SLC7A8: variants seen among roughly 807,000 people sequenced by gnomAD.
The protein encoded by SLC7A8 is large neutral amino acids transporter small subunit 2.
A neutral mutation model predicts 51.2 loss-of-function variants in SLC7A8; 30 were observed. The ratio of observed to expected loss-of-function variants is 0.59; its 90% CI spans 0.44 to 0.80. The LOEUF is 0.80. Ranked by LOEUF, SLC7A8 falls within the 30% of genes least tolerant of loss-of-function variation. The probability of loss-of-function intolerance (pLI) is 0.00; values close to 1 mark genes in which losing one functional copy is unlikely to be tolerated. For missense variants in SLC7A8, 612 were observed against 674.4 expected, an observed-to-expected ratio of 0.91 and a Z score of 1.03; for synonymous variants, 257 against 275.8, an observed-to-expected ratio of 0.93 and a Z score of 0.67.
At chr14:23,140,927 TA>T (rs1235113467) in intron 4 of SLC7A8, among the ~76,000 whole-genome samples, 1 of 152,194 alleles carries the variant, frequency 6.6e-6, no homozygotes, top group Non-Finnish European at 1.5e-5. Flanking sequence ...GCTTTGGAAA[TA>T]CAGGATTGGA....
intron 3 of SLC7A8, among the ~76,000 whole-genome samples, chr14:23,144,086 G>A (rs2048768900): frequency 6.6e-6 from 1 of 152,202 alleles, no homozygotes; most frequent in Non-Finnish European, 1.5e-5. Context: ...ATTATGAATA[G>A]AGTTGTGATA....
chr14:23,135,139 G>A (rs1594819501), intron 7 of SLC7A8, among the ~76,000 whole-genome samples: 1 of 152,156 alleles, frequency 6.6e-6, no homozygotes, highest in Non-Finnish European at 1.5e-5. Context: ...CCAGGCTGGA[G>A]TGCAGTGTCA....
At position 23,155,570 on chromosome 14, in the gene SLC7A8, G is replaced by A. The variant is rs545546714; in HGVS notation, c.508+9715C>T. 5.5e-5 allele frequency: 61 copies of A among 1,102,300 alleles called. No individual in the cohort carries two copies. In the Middle Eastern group the frequency reaches 1.0e-3, roughly 18 times the overall value. The allele number at this position is 1,102,300 out of a possible 1,614,324, so 68.3% of individuals were successfully genotyped here. A position where few individuals can be genotyped will look rare whatever the true frequency, so the allele number is the denominator to read the frequency against. ...CATGGCTCCTCAGCTGGCCTGGATC[G>A]GGGAGAAGCGAAAAACTGGACACCA... On this transcript the variant is annotated intron_variant, in intron 3 of 10. Transcript: ENST00000316902.
At chr14:23,158,922 C>A (rs2048907724) in intron 3 of SLC7A8, among the ~76,000 whole-genome samples, 1 of 152,142 alleles carries the variant, frequency 6.6e-6, no homozygotes, top group African/African-American at 2.4e-5. Context: ...CAAATGTGAA[C>A]CTAATCATGT....
intron 1 of SLC7A8, among the ~76,000 whole-genome samples, chr14:23,176,464 A>G (rs1876911786): frequency 6.6e-6 from 1 of 152,286 alleles, no homozygotes; most frequent in Admixed American, 6.5e-5. Flanking sequence ...GAAATGAGAA[A>G]TGGCTAAGTG....
chr14:23,177,715 A>T (rs1876985918), intron 1 of SLC7A8, among the ~76,000 whole-genome samples: 1 of 152,204 alleles, frequency 6.6e-6, no homozygotes, highest in Non-Finnish European at 1.5e-5. Flanking sequence ...GCAGGAATGA[A>T]TGCGAGCATG....
At chr14:23,180,599 C>T (rs1877128465) in intron 1 of SLC7A8, among the ~76,000 whole-genome samples, 1 of 152,172 alleles carries the variant, frequency 6.6e-6, no homozygotes, top group South Asian at 2.1e-4. Flanking sequence ...ATTCTAGTTA[C>T]TGTAATGCCA....
intron 4 of SLC7A8, 91 bp from the exon 5 acceptor site, chr14:23,140,715 C>T: frequency 1.6e-6 from 2 of 1,288,720 alleles, no homozygotes; most frequent in Non-Finnish European, 2.1e-6. Context: ...TCACCCCTCC[C>T]TGTGGCAATG....
At chr14:23,180,473 G>T (rs1877124755) in intron 1 of SLC7A8, among the ~76,000 whole-genome samples, 1 of 152,086 alleles carries the variant, frequency 6.6e-6, no homozygotes, top group Non-Finnish European at 1.5e-5. Context: ...AGCTTAAGTT[G>T]GGGTAGAATA....
intron 8 of SLC7A8, among the ~76,000 whole-genome samples, chr14:23,131,157 ATAT>A (rs1566355108): frequency 6.6e-6 from 1 of 152,170 alleles, no homozygotes; most frequent in Non-Finnish European, 1.5e-5. Flanking sequence ...CAAGGGAGAT[ATAT>A]TTTTTTTGAG....
chr14:23,133,317 T>C (rs1049711609), intron 7 of SLC7A8, among the ~76,000 whole-genome samples: 3 of 151,828 alleles, frequency 2.0e-5, no homozygotes, highest in Admixed American at 6.6e-5. Flanking sequence ...GGCATGTGCC[T>C]GTTGTTCTAA....
intron 9 of SLC7A8, 89 bp downstream of exon 9, chr14:23,129,561 G>A: frequency 6.9e-7 from 1 of 1,448,948 alleles, no homozygotes; most frequent in East Asian, 2.3e-5. Flanking sequence ...CGTGTGGTCA[G>A]CAGCTAAGAA....
intron 3 of SLC7A8, among the ~76,000 whole-genome samples, chr14:23,159,212 A>AT (rs1566369444): frequency 6.6e-6 from 1 of 152,122 alleles, no homozygotes; most frequent in Non-Finnish European, 1.5e-5. Context: ...TAGCTGATGG[A>AT]TTTTTTTAGT....
intron 1 of SLC7A8, among the ~76,000 whole-genome samples, chr14:23,181,548 G>C (rs1478604087): frequency 6.6e-6 from 1 of 152,184 alleles, no homozygotes; most frequent in African/African-American, 2.4e-5. Flanking sequence ...ATACTGCACT[G>C]ATTTTATTTG....
chr14:23,163,232 C>T (rs1206014576), intron 3 of SLC7A8, among the ~76,000 whole-genome samples: 2 of 152,182 alleles, frequency 1.3e-5, no homozygotes, highest in Non-Finnish European at 2.9e-5. Context: ...TTCTCTCTTG[C>T]AGTCCTTGTG....
chr14:23,178,973 G>A (rs1216577807), intron 1 of SLC7A8, among the ~76,000 whole-genome samples: 1 of 150,990 alleles, frequency 6.6e-6, no homozygotes, highest in Admixed American at 6.6e-5. Context: ...AATGATCAAG[G>A]AGATGGGACT....
At chr14:23,161,057 G>C (rs1044440138) in intron 3 of SLC7A8, among the ~76,000 whole-genome samples, 2 of 151,492 alleles carry the variant, frequency 1.3e-5, no homozygotes, top group South Asian at 4.1e-4. Flanking sequence ...AGAATAACTC[G>C]AAGTGGCAGC....
chr14:23,176,604 G>A (rs1876930033), intron 1 of SLC7A8, among the ~76,000 whole-genome samples: 1 of 152,070 alleles, frequency 6.6e-6, no homozygotes, highest in Admixed American at 6.6e-5. Context: ...AGATTGTTGG[G>A]AAGATTGAAT....
Position 23,128,301 on chromosome 14 carries a change from CA to C in SLC7A8, c.1264-106del. On this transcript the variant is annotated intron_variant, in intron 9 of 10. Transcript: ENST00000316902. The surrounding 1 kb of genome is among the most constrained non-coding windows in gnomAD (Gnocchi z 4.3). ...TTCTTCACCCACAGAGACACATCCTCAAGGGCAAAGGCTGGGCTTCCCTCGG... is the reference window on the plus strand; with the variant it reads ...TTCTTCACCCACAGAGACACATCCTCAGGGCAAAGGCTGGGCTTCCCTCGG... 1 of 1,558,582 alleles carries C rather than the reference CA, an allele frequency of 6.4e-7. No homozygotes were observed. The highest frequency in any genetic ancestry group is 8.7e-7 in the Non-Finnish European group (1 of 1,153,440).
Sources: allele counts gnomAD v4.1 joint callset (sites outside exome capture counted in the v4.1 genomes callset), GRCh38; gene constraint gnomAD v4.1.1; non-coding constraint Gnocchi (gnomAD v3.1); transcripts MANE v1.5; gene names NCBI Gene and HGNC (gene_info 2026-07-23, HGNC 2026-07-21).